Variants in ARHGAP26 observed in about 807,000 individuals in gnomAD.
ARHGAP26 encodes the protein Rho GTPase activating protein 26, also known as rho GTPase-activating protein 26.
In ARHGAP26, 38 loss-of-function variants were observed where a neutral mutation model predicts 104.8. The ratio of observed to expected loss-of-function variants is 0.36; its 90% confidence interval spans 0.28 to 0.48. The LOEUF (loss-of-function observed/expected upper bound fraction) is 0.48. Among genes scored for constraint, ARHGAP26 ranks in the 20% least tolerant of loss-of-function variants. The pLI, the probability that ARHGAP26 is intolerant of heterozygous loss-of-function variation, is 0.99. For missense variants in ARHGAP26, 704 were observed against 947.9 expected, an observed-to-expected ratio of 0.74 and a Z score of 3.38; for synonymous variants, 341 against 340.0, an observed-to-expected ratio of 1.00 and a Z score of -0.03.
chr5:142,950,999 C>G (rs995343775), intron 11 of ARHGAP26, among the ~76,000 whole-genome samples: 3 of 5,716 alleles, frequency 5.2e-4, no homozygotes, highest in African/African-American at 1.5e-3. Flanking sequence ...CTTTCCCTTT[C>G]TCTTTCCCTT....
intron 17 of ARHGAP26, among the ~76,000 whole-genome samples, chr5:143,073,972 TC>T (rs1788632347): frequency 6.6e-6 from 1 of 152,214 alleles, no homozygotes; most frequent in Non-Finnish European, 1.5e-5. Flanking sequence ...CTGCTTTTGC[TC>T]CCTGACTTTT....
At chr5:142,775,814 C>A (rs1756204676) in intron 1 of ARHGAP26, among the ~76,000 whole-genome samples, 1 of 152,198 alleles carries the variant, frequency 6.6e-6, no homozygotes, top group African/African-American at 2.4e-5. Flanking sequence ...GATTTCATTT[C>A]TCTTCATGGC....
At chr5:142,922,095 C>A (rs1414108811) in intron 10 of ARHGAP26, 3 of 152,162 alleles carry the variant, frequency 2.0e-5, no homozygotes, top group Admixed American at 1.3e-4. Context: ...ATGTGATAAC[C>A]TGTTGTTGAT....
chr5:143,162,195 G>C (rs746304247), intron 20 of ARHGAP26, among the ~76,000 whole-genome samples: 6 of 151,810 alleles, frequency 4.0e-5, no homozygotes, highest in Non-Finnish European at 8.8e-5. Flanking sequence ...GTGCCTTACA[G>C]CATAGACCTC....
At chr5:142,955,061 T>C (rs1278221260) in intron 11 of ARHGAP26, among the ~76,000 whole-genome samples, 1 of 151,688 alleles carries the variant, frequency 6.6e-6, no homozygotes, top group Non-Finnish European at 1.5e-5. Flanking sequence ...GGAGGATCAC[T>C]TGAGCCCAGC....
In ARHGAP26 at chr5:143,222,772, C is replaced by T; in HGVS notation, c.*326C>T. 1 of 256,016 alleles carries T rather than the reference C, an allele frequency of 3.9e-6. No individual in the cohort carries two copies. 15.9% of individuals were successfully genotyped at this position (256,016 alleles called of 1,614,324 possible). A position where few individuals can be genotyped will look rare whatever the true frequency, so the allele number is the denominator to read the frequency against. On this transcript the variant is annotated 3_prime_UTR_variant, in exon 23 of 23. Transcript: ENST00000645722. ...TTCAACGGTCCAAACGCCCAACCTTCAGAAAGAGGAAGTCAGATAGAAATA... is the reference window on the plus strand; with the variant it reads ...TTCAACGGTCCAAACGCCCAACCTTTAGAAAGAGGAAGTCAGATAGAAATA...
At chr5:143,133,165 T>C (rs1387493146) in intron 18 of ARHGAP26, among the ~76,000 whole-genome samples, 1 of 152,196 alleles carries the variant, frequency 6.6e-6, no homozygotes, top group Non-Finnish European at 1.5e-5. Context: ...ATGATTTCTA[T>C]CATTTTCTTC....
At chr5:142,983,076 TGGA>T (rs1193188419) in intron 11 of ARHGAP26, among the ~76,000 whole-genome samples, 1 of 152,220 alleles carries the variant, frequency 6.6e-6, no homozygotes, top group African/African-American at 2.4e-5. Context: ...GCTGGTGGTG[TGGA>T]GGAGGACAGG....
At chr5:142,958,495 C>T (rs1235596501) in intron 11 of ARHGAP26, among the ~76,000 whole-genome samples, 3 of 151,452 alleles carry the variant, frequency 2.0e-5, no homozygotes, top group Non-Finnish European at 4.4e-5. Flanking sequence ...AAGTAGACCC[C>T]GTCTTTACAA....
At chr5:142,770,985 G>A in intron 1 of ARHGAP26, 70 bp downstream of exon 1, 3 of 1,497,022 alleles carry the variant, frequency 2.0e-6, no homozygotes, top group Non-Finnish European at 2.7e-6. Flanking sequence ...GCTTAGCCCG[G>A]GTTGCCCGCG....
intron 1 of ARHGAP26, among the ~76,000 whole-genome samples, chr5:142,843,637 G>T (rs978036499): frequency 6.0e-5 from 9 of 151,222 alleles, no homozygotes; most frequent in Non-Finnish European, 1.3e-4. Flanking sequence ...CTTATGGCGT[G>T]TTTTTTTTTG....
At chr5:143,035,968 A>G (rs2152874646) in intron 12 of ARHGAP26, among the ~76,000 whole-genome samples, 1 of 150,502 alleles carries the variant, frequency 6.6e-6, no homozygotes, top group South Asian at 2.1e-4. Context: ...AGAAGAACTT[A>G]CCCATGTAAC....
chr5:143,062,683 T>C (rs1786902655), intron 17 of ARHGAP26, among the ~76,000 whole-genome samples: 1 of 152,212 alleles, frequency 6.6e-6, no homozygotes, highest in Non-Finnish European at 1.5e-5. Flanking sequence ...TTGCCAGGCA[T>C]TGGCACCAAG....
At chr5:143,176,286 A>G (rs1190070207) in intron 20 of ARHGAP26, among the ~76,000 whole-genome samples, 6 of 152,222 alleles carry the variant, frequency 3.9e-5, no homozygotes, top group Admixed American at 6.5e-5. Flanking sequence ...AGCAGACTGC[A>G]TAAGAGACTT....
chr5:142,936,108 AACACACAC>A (rs149919795), intron 11 of ARHGAP26, among the ~76,000 whole-genome samples: 15 of 139,840 alleles, frequency 1.1e-4, no homozygotes, highest in Admixed American at 2.2e-4. Context: ...AATCCCAAGG[AACACACAC>A]ACACACACAC....
intron 22 of ARHGAP26, among the ~76,000 whole-genome samples, chr5:143,219,681 A>G (rs1049111207): frequency 1.8e-4 from 28 of 152,326 alleles, no homozygotes; most frequent in African/African-American, 6.5e-4. Context: ...AGTAAATGAC[A>G]ATTTGCATTT....
At chr5:143,086,870 A>G (rs1037357351) in intron 17 of ARHGAP26, among the ~76,000 whole-genome samples, 1 of 152,200 alleles carries the variant, frequency 6.6e-6, no homozygotes, top group African/African-American at 2.4e-5. Context: ...TCAGATATCC[A>G]TGAATGTCTG....
intron 17 of ARHGAP26, among the ~76,000 whole-genome samples, chr5:143,117,097 A>G (rs974864509): frequency 6.6e-6 from 1 of 152,240 alleles, no homozygotes; most frequent in African/African-American, 2.4e-5. Context: ...CATGTGTCAA[A>G]GACTCCTTCA....
chr5:143,085,044 C>CAAAAAAAAA (rs56852430), intron 17 of ARHGAP26, among the ~76,000 whole-genome samples: 2 of 61,650 alleles, frequency 3.2e-5, no homozygotes, highest in East Asian at 3.7e-4. Context: ...GACTCCATCT[C>CAAAAAAAAA]AAAAAAAAAA....
Sources: allele counts gnomAD v4.1 joint callset (sites outside exome capture counted in the v4.1 genomes callset), GRCh38; gene constraint gnomAD v4.1.1; transcripts MANE v1.5; gene names NCBI Gene and HGNC (gene_info 2026-07-23, HGNC 2026-07-21).